Variants in TAF3 observed in about 807,000 individuals in gnomAD.
The protein encoded by TAF3 is transcription initiation factor TFIID subunit 3.
In TAF3, 7 loss-of-function variants were observed where a neutral mutation model predicts 80.6. That is an observed-to-expected ratio of 0.09 (90% confidence interval 0.05 to 0.16). The LOEUF is 0.16. Among genes scored for constraint, TAF3 ranks in the 10% least tolerant of loss-of-function variants. The pLI is 1.00. For synonymous variants in TAF3, 444 were observed against 446.1 expected (o/e 1.00, Z 0.06); for missense variants, 921 against 1,140.2 (o/e 0.81, Z 2.77).
intron 2 of TAF3, among the ~76,000 whole-genome samples, chr10:7,903,678 G>A (rs1282658062): frequency 6.6e-6 from 1 of 152,170 alleles, no homozygotes; most frequent in Non-Finnish European, 1.5e-5. Context: ...ACGATTTTCA[G>A]GAGACTACAG....
At chr10:7,969,628 G>A (rs1269225637) in intron 3 of TAF3, among the ~76,000 whole-genome samples, 1 of 152,102 alleles carries the variant, frequency 6.6e-6, no homozygotes, top group African/African-American at 2.4e-5. Context: ...TAGTGGAACT[G>A]GATGGTTATA....
At chr10:7,848,782 G>A (rs910679452) in intron 2 of TAF3, among the ~76,000 whole-genome samples, 1 of 152,182 alleles carries the variant, frequency 6.6e-6, no homozygotes, top group Non-Finnish European at 1.5e-5. Flanking sequence ...CCTAAAGTTT[G>A]GCATAAACTT....
chr10:7,960,740 A>T (rs1190993320), intron 2 of TAF3, among the ~76,000 whole-genome samples: 1 of 152,016 alleles, frequency 6.6e-6, no homozygotes, highest in East Asian at 1.9e-4. Flanking sequence ...TTTATATTTT[A>T]TTTTTTCCTC....
chr10:7,988,292 T>C (rs1346422640), intron 4 of TAF3, among the ~76,000 whole-genome samples: 5 of 151,752 alleles, frequency 3.3e-5, no homozygotes, highest in African/African-American at 1.2e-4. Flanking sequence ...CTACAAAATA[T>C]TAAAAAGATA....
chr10:8,001,716 A>G (rs1831944804), intron 4 of TAF3, among the ~76,000 whole-genome samples: 1 of 152,044 alleles, frequency 6.6e-6, no homozygotes, highest in Non-Finnish European at 1.5e-5. Flanking sequence ...GTTTTCTTTT[A>G]CCTAATTTTT....
intron 2 of TAF3, among the ~76,000 whole-genome samples, chr10:7,926,904 G>A (rs1837821091): frequency 6.6e-6 from 1 of 152,140 alleles, no homozygotes; most frequent in East Asian, 1.9e-4. Flanking sequence ...AGAGAGAAGA[G>A]TATTTTACTG....
rs531433942 is a variant in TAF3, at chr10:8,000,896, CTTTT to C, written c.2316-8178_2316-8175del. Among the ~76,000 whole-genome samples, 24 of 152,142 alleles carry C rather than the reference CTTTT, an allele frequency of 1.6e-4. No individual in the cohort carries two copies. In the East Asian group the frequency reaches 4.4e-3, roughly 28 times the overall value. ...GTATACACTCATACCTTCTTGTTTG[CTTTT>C]TTTATTTTCTTAGAAAAATTCCATC... is the stretch of plus-strand genomic sequence containing the variant. On this transcript the variant is annotated intron_variant, in intron 4 of 6. Transcript: ENST00000344293.
In TAF3 at chr10:8,014,766, C is replaced by T. The variant is rs368623470; in HGVS notation, c.*15C>T. The T allele has an allele frequency of 1.6e-5, 25 of 1,568,722 alleles. No individual in the cohort carries two copies. Among genetic ancestry groups the T allele is most frequent in the Non-Finnish European group, 1.8e-5 (21 of 1,156,804 alleles). ...GAGCCCACTGACGACTCCCGAGGGGCTGGACCAAGCGGGGTCAGCCCGGGC... is the reference window on the plus strand; with the variant it reads ...GAGCCCACTGACGACTCCCGAGGGGTTGGACCAAGCGGGGTCAGCCCGGGC... On this transcript the variant is annotated 3_prime_UTR_variant, in exon 7 of 7. Transcript: ENST00000344293.
At chr10:7,942,551 G>T (rs142425388) in intron 2 of TAF3, among the ~76,000 whole-genome samples, 3 of 152,110 alleles carry the variant, frequency 2.0e-5, no homozygotes, top group Non-Finnish European at 2.9e-5. Context: ...AACAAAATCC[G>T]CTGGGTTTTC....
chr10:7,949,360 A>G (rs1838059494), intron 2 of TAF3, among the ~76,000 whole-genome samples: 1 of 152,184 alleles, frequency 6.6e-6, no homozygotes, highest in African/African-American at 2.4e-5. Flanking sequence ...CTTCGACAGG[A>G]TTGTGTACCA....
intron 2 of TAF3, among the ~76,000 whole-genome samples, chr10:7,908,000 T>A (rs1837621698): frequency 6.6e-6 from 1 of 152,194 alleles, no homozygotes. Flanking sequence ...TAGAAGAAGT[T>A]GGCAGTGGTG....
intron 4 of TAF3, among the ~76,000 whole-genome samples, chr10:7,979,362 G>GA (rs5783007): frequency 8.8e-4 from 119 of 134,830 alleles, no homozygotes; most frequent in South Asian, 2.1e-3. Context: ...AAAAAAAAAT[G>GA]AAAAAAAAAA....
At chr10:7,961,905 A>T (rs1428975598) in intron 2 of TAF3, among the ~76,000 whole-genome samples, 1 of 151,666 alleles carries the variant, frequency 6.6e-6, no homozygotes, top group East Asian at 1.9e-4. Flanking sequence ...GCTGGAGTGC[A>T]GTGGCGCAAT....
chr10:7,836,351 C>T (rs1836852286), intron 2 of TAF3, among the ~76,000 whole-genome samples: 1 of 150,720 alleles, frequency 6.6e-6, no homozygotes, highest in African/African-American at 2.4e-5. Flanking sequence ...AGTACAATGG[C>T]ACAACCTCCG....
chr10:7,894,434 G>A (rs1043039117), intron 2 of TAF3, among the ~76,000 whole-genome samples: 1 of 152,214 alleles, frequency 6.6e-6, no homozygotes, highest in Admixed American at 6.5e-5. Context: ...GGTCACTGGT[G>A]GAGAGGTGGT....
At chr10:7,946,951 G>A (rs186117561) in intron 2 of TAF3, among the ~76,000 whole-genome samples, 12 of 151,964 alleles carry the variant, frequency 7.9e-5, no homozygotes, top group Admixed American at 4.6e-4. Context: ...TTTTGGAGGC[G>A]GATTCTCGCT....
chr10:7,890,240 C>A (rs1289998595), intron 2 of TAF3, among the ~76,000 whole-genome samples: 2 of 152,220 alleles, frequency 1.3e-5, no homozygotes, highest in Admixed American at 1.3e-4. Context: ...CTCTTCTTAT[C>A]TGCCTGCTAA....
At chr10:7,939,203 T>C (rs1268923923) in intron 2 of TAF3, among the ~76,000 whole-genome samples, 1 of 152,214 alleles carries the variant, frequency 6.6e-6, no homozygotes, top group Non-Finnish European at 1.5e-5. Flanking sequence ...CATTTTAGTT[T>C]ATTGGCTAAA....
chr10:7,832,715 A>G (rs763473329), intron 2 of TAF3, among the ~76,000 whole-genome samples: 31 of 151,956 alleles, frequency 2.0e-4, no homozygotes, highest in Non-Finnish European at 4.4e-5. Context: ...ACACCCGGCT[A>G]ATTTTTGTGT....
Sources: gnomAD v4.1 joint callset for allele counts (sites outside exome capture counted in the v4.1 genomes callset) on GRCh38, gnomAD v4.1.1 for gene constraint, MANE v1.5 for transcripts, NCBI Gene and HGNC (gene_info 2026-07-23, HGNC 2026-07-21) for gene names.